LSM12: variants seen among roughly 807,000 people sequenced by gnomAD.
The protein encoded by LSM12 is LSM12 homolog.
For missense variants in LSM12, 108 were observed against 238.9 expected (o/e 0.45, Z 3.61); for synonymous variants, 74 against 87.3 (o/e 0.85, Z 0.85).
At position 44,054,208 on chromosome 17, in the gene LSM12, T is replaced by A. The variant is rs1731899; in HGVS notation, c.258+9593A>T. 3.3e-5 allele frequency among the ~76,000 whole-genome samples: 5 copies of A among 152,316 alleles called. No homozygotes were observed. The South Asian group carries it at 1.0e-3, about 32-fold the overall frequency. ...GACTGCCATGCACTATAACCTGAAC[T>A]GAGTCATGAGTTCTAGCCTGCAGCA... is the stretch of plus-strand genomic sequence containing the variant. On this transcript the variant is annotated intron_variant, in intron 2 of 4. Transcript: ENST00000293406.
chr17:44,067,448 C>G (rs1469076058), upstream of LSM12: 1 of 152,206 alleles, frequency 6.6e-6, no homozygotes, highest in Admixed American at 6.5e-5. Context: ...ATTACCTGAT[C>G]CTGTTTCTTC....
At chr17:44,049,956 G>A (rs2144091286) in intron 2 of LSM12, among the ~76,000 whole-genome samples, 1 of 152,318 alleles carries the variant, frequency 6.6e-6, no homozygotes, top group East Asian at 1.9e-4. Flanking sequence ...TGCAGCTGCT[G>A]CCCGGAACTG....
At chr17:44,043,485 T>C (rs1306358496) in intron 2 of LSM12, among the ~76,000 whole-genome samples, 1 of 151,564 alleles carries the variant, frequency 6.6e-6, no homozygotes, top group Non-Finnish European at 1.5e-5. Context: ...TGATGTATTT[T>C]AAGCAGCAAC....
intron 2 of LSM12, among the ~76,000 whole-genome samples, chr17:44,052,481 G>A (rs374592924): frequency 2.6e-5 from 4 of 152,034 alleles, no homozygotes; most frequent in Admixed American, 1.3e-4. Context: ...CAAACAGGCC[G>A]GGTGCGGTGG....
intron 2 of LSM12, among the ~76,000 whole-genome samples, chr17:44,058,982 C>A (rs1314691978): frequency 6.6e-6 from 1 of 152,096 alleles, no homozygotes; most frequent in African/African-American, 2.4e-5. Context: ...CCAGCCTGGG[C>A]ACAGTGCGAG....
chr17:44,043,560 T>C (rs1262483940), intron 2 of LSM12, among the ~76,000 whole-genome samples: 1 of 151,432 alleles, frequency 6.6e-6, no homozygotes, highest in Non-Finnish European at 1.5e-5. Context: ...TTTTTTTTTT[T>C]TTTTTGAGAT....
At position 44,066,571 on chromosome 17, in the gene LSM12, C is replaced by A; in HGVS notation, c.17G>T (p.Gly6Val). The A allele has an allele frequency of 1.4e-6, 2 of 1,466,818 alleles. No individual in the cohort carries two copies. The highest frequency in any genetic ancestry group is 1.5e-5 in the African/African-American group (1 of 68,102). The allele number at this position is 1,466,818 out of a possible 1,614,324, so 90.9% of individuals were successfully genotyped here. Residue 6 changes from glycine to valine, a missense_variant, in exon 1 of 5, where the codon GGC becomes GTC. Physicochemically the swap from Gly to Val is moderately radical, Grantham distance 109. Transcript: ENST00000293406. MAAPPGEYFSVGSQVS... is the reference protein window; with the variant it reads MAAPPVEYFSVGSQVS... ...CTGGCTCCCAACGCTGAAGTACTCG[C>A]CCGGAGGAGCCGCCATCTTGGGAGT...
intron 2 of LSM12, among the ~76,000 whole-genome samples, chr17:44,061,093 G>A (rs1015422796): frequency 3.9e-5 from 6 of 152,170 alleles, no homozygotes; most frequent in Non-Finnish European, 5.9e-5. Context: ...TGAGGCGGGC[G>A]GATCACCTGA....
Position 44,040,451 on chromosome 17 carries a change from T to G in LSM12, c.259-195A>C. ...AGTTACTGGTATTCCAAGAAAACGTTCCTTCCTTCCTTCTAATACTTACTG... is the reference window on the plus strand; with the variant it reads ...AGTTACTGGTATTCCAAGAAAACGTGCCTTCCTTCCTTCTAATACTTACTG... On this transcript the variant is annotated intron_variant, in intron 2 of 4. Coordinates refer to ENST00000293406, the MANE Select transcript of LSM12 (RefSeq NM_001371445.1). 6.0e-6 allele frequency: 3 copies of G among 501,532 alleles called. No homozygotes were observed. In the East Asian group the frequency reaches 1.1e-4, roughly 18 times the overall value. The allele number at this position is 501,532 out of a possible 1,614,324, so 31.1% of individuals were successfully genotyped here.
In LSM12 at chr17:44,064,027, C is replaced by A. The variant is rs535765827; in HGVS notation, c.125-93G>T. Reference sequence around the variant, plus strand: ...CATAGAAAACACGATTCACACAAGGCTTGTAAAAGGCAGGCCAGGAGCATG... The same window carrying A: ...CATAGAAAACACGATTCACACAAGGATTGTAAAAGGCAGGCCAGGAGCATG... On this transcript the variant is annotated intron_variant, in intron 1 of 4. Coordinates refer to ENST00000293406, the MANE Select transcript of LSM12 (RefSeq NM_001371445.1). 3 of 1,441,490 alleles carry A rather than the reference C, an allele frequency of 2.1e-6. No individual in the cohort carries two copies. In the African/African-American group the frequency reaches 4.3e-5, roughly 21 times the overall value. 89.3% of individuals were successfully genotyped at this position (1,441,490 alleles called of 1,614,324 possible).
chr17:44,054,537 C>G (rs1458249847), intron 2 of LSM12, among the ~76,000 whole-genome samples: 6 of 152,160 alleles, frequency 3.9e-5, no homozygotes, highest in Admixed American at 6.6e-5. Flanking sequence ...ACCTCCTGGC[C>G]TCAAGCAATC....
chr17:44,046,324 A>G (rs2144083617), intron 2 of LSM12, among the ~76,000 whole-genome samples: 1 of 152,312 alleles, frequency 6.6e-6, no homozygotes, highest in South Asian at 2.1e-4. Context: ...TGTTAGGTAG[A>G]TAACTAAGAG....
At chr17:44,049,190 A>G (rs2049610428) in intron 2 of LSM12, among the ~76,000 whole-genome samples, 1 of 151,918 alleles carries the variant, frequency 6.6e-6, no homozygotes, top group South Asian at 2.1e-4. Context: ...CTGTCTTTAA[A>G]AAACAACAAC....
intron 2 of LSM12, among the ~76,000 whole-genome samples, chr17:44,042,521 T>A (rs2049507860): frequency 6.6e-6 from 1 of 150,988 alleles, no homozygotes; most frequent in African/African-American, 2.4e-5. Context: ...TGTCTCAGCC[T>A]CCAGAGTAGC....
chr17:44,059,663 C>T (rs971576476), intron 2 of LSM12, among the ~76,000 whole-genome samples: 4 of 152,174 alleles, frequency 2.6e-5, no homozygotes, highest in Admixed American at 2.0e-4. Flanking sequence ...AACTATCATT[C>T]GAAAGCAAAA....
At chr17:44,044,943 G>C (rs1159626287) in intron 2 of LSM12, among the ~76,000 whole-genome samples, 1 of 152,192 alleles carries the variant, frequency 6.6e-6, no homozygotes, top group Non-Finnish European at 1.5e-5. Context: ...AACCACTGGA[G>C]AGAACCAATA....
chr17:44,040,731 T>C (rs2049476535), intron 2 of LSM12, among the ~76,000 whole-genome samples: 1 of 151,758 alleles, frequency 6.6e-6, no homozygotes. Context: ...TCCCAGCACT[T>C]TGGGAGGCCG....
chr17:44,058,216 G>A (rs941654177), intron 2 of LSM12, among the ~76,000 whole-genome samples: 14 of 151,180 alleles, frequency 9.3e-5, no homozygotes, highest in African/African-American at 1.9e-4. Flanking sequence ...CAGCCTGGGC[G>A]ACTGAGCAAG....
At chr17:44,046,516 GCTAA>G in intron 2 of LSM12, among the ~76,000 whole-genome samples, 1 of 150,650 alleles carries the variant, frequency 6.6e-6, no homozygotes, top group Non-Finnish European at 1.5e-5. Context: ...GACCATCCTG[GCTAA>G]CACGGTGAAA....
Sources: allele counts gnomAD v4.1 joint callset (sites outside exome capture counted in the v4.1 genomes callset), GRCh38; gene constraint gnomAD v4.1.1; transcripts MANE v1.5; gene names NCBI Gene and HGNC (gene_info 2026-07-23, HGNC 2026-07-21).